AKIP1: variants seen among roughly 807,000 people sequenced by gnomAD.
AKIP1 encodes A-kinase interacting protein 1.
In AKIP1, 18 loss-of-function variants were observed where a neutral mutation model predicts 22.3. The observed-to-expected ratio is 0.81, with a 90% CI of 0.56 to 1.19. The LOEUF (loss-of-function observed/expected upper bound fraction) is 1.19. Among genes scored for constraint, AKIP1 ranks in the 50% most tolerant of loss-of-function variants. AKIP1 has a pLI of 0.00. For missense variants in AKIP1, 287 were observed against 264.6 expected, an observed-to-expected ratio of 1.08 and a Z score of -0.59; for synonymous variants, 120 against 102.7, an observed-to-expected ratio of 1.17 and a Z score of -1.02.
At chr11:8,912,868 T>TA (rs776020608) in intron 3 of AKIP1, among the ~76,000 whole-genome samples, 1 of 115,344 alleles carries the variant, frequency 8.7e-6, no homozygotes, top group Non-Finnish European at 1.8e-5. Flanking sequence ...GGGTTTTTTT[T>TA]AACTTTTTTT....
chr11:8,914,724 T>C, intron 3 of AKIP1, 102 bp from the exon 4 acceptor site: 1 of 815,702 alleles, frequency 1.2e-6, no homozygotes, highest in Non-Finnish European at 2.0e-6. Flanking sequence ...ACCTTTGCTC[T>C]CTTGCCTCCC....
At chr11:8,915,013 T>G in intron 4 of AKIP1, 83 bp downstream of exon 4, 1 of 1,052,990 alleles carries the variant, frequency 9.5e-7, no homozygotes, top group Non-Finnish European at 1.4e-6. Flanking sequence ...TGCTAGACTT[T>G]GTGTCACTGG....
chr11:8,911,686 G>GC lies in AKIP1; in HGVS notation c.222+17dup. On this transcript the variant is annotated intron_variant, in intron 2 of 5. Coordinates refer to ENST00000309377, the MANE Select transcript of AKIP1 (RefSeq NM_020642.4). ...TCCCGGGAGAGGTGAGGGTCGCTGT[G>GC]CCGGGGGCCGCCCCAGTCCTTCGCG... The GC allele has an allele frequency of 6.7e-7, 1 of 1,496,754 alleles. No individual in the cohort carries two copies. The highest frequency in any genetic ancestry group is 8.9e-7 in the Non-Finnish European group (1 of 1,124,416). The allele number at this position is 1,496,754 out of a possible 1,614,324, so 92.7% of individuals were successfully genotyped here.
In AKIP1 at chr11:8,918,258, A is replaced by G. The variant is rs550783081; in HGVS notation, c.489+891A>G. On this transcript the variant is annotated intron_variant, in intron 5 of 5. Transcript: ENST00000309377. ...CTTTTATTTACATGGTTGACAACCA[A>G]TAAATAGTTAATGACATTGTCATAC... The G allele has an allele frequency of 7.2e-4, 110 of 152,356 alleles. 1 individual carries two copies. Among genetic ancestry groups the G allele is most frequent in the African/African-American group, 2.5e-3 (104 of 41,578 alleles). 9.4% of individuals were successfully genotyped at this position (152,356 alleles called of 1,614,324 possible).
chr11:8,912,656 T>C (rs1589918301), intron 3 of AKIP1, 123 bp downstream of exon 3: 5 of 870,462 alleles, frequency 5.7e-6, no homozygotes, highest in Non-Finnish European at 7.5e-6. Context: ...CACGGTCAGA[T>C]TGTAATCAGT....
chr11:8,917,106 G>A (rs2064497278), intron 4 of AKIP1, among the ~76,000 whole-genome samples, 181 bp from the exon 5 acceptor site: 1 of 152,168 alleles, frequency 6.6e-6, no homozygotes, highest in Non-Finnish European at 1.5e-5. Context: ...GAAAATTATA[G>A]TAAATACCTG....
At position 8,919,555 on chromosome 11, in the gene AKIP1, G is replaced by C; in HGVS notation, c.*75G>C. On this transcript the variant is annotated 3_prime_UTR_variant, in exon 6 of 6. Coordinates refer to ENST00000309377, the MANE Select transcript of AKIP1 (RefSeq NM_020642.4). ...AAGCCACTGTATGATTCTCTTAATA[G>C]CTATACATTAATCCTGTTTTTAGTG... The C allele has an allele frequency of 6.7e-7, 1 of 1,501,450 alleles. No individual in the cohort carries two copies. The highest frequency in any genetic ancestry group is 9.1e-7 in the Non-Finnish European group (1 of 1,099,870). The allele number at this position is 1,501,450 out of a possible 1,614,324, so 93.0% of individuals were successfully genotyped here.
At position 8,912,871 on chromosome 11, in the gene AKIP1, CTTTTTTT is replaced by C. The variant is rs71059196; in HGVS notation, c.303+353_303+359del. 3.2e-5 allele frequency among the ~76,000 whole-genome samples: 3 copies of C among 92,950 alleles called. No homozygotes were observed. The Admixed American group carries it at 5.0e-4, about 15-fold the overall frequency. The allele number at this position is 92,950 out of a possible 152,430, so 61.0% of individuals were successfully genotyped here. A position where few individuals can be genotyped will look rare whatever the true frequency, so the allele number is the denominator to read the frequency against. ...GTTAAATATTAGGGGTTTTTTTTAA[CTTTTTTT>C]TTTTTTTTTTTTTTGAGACAGAGGC... On this transcript the variant is annotated intron_variant, in intron 3 of 5. Coordinates refer to ENST00000309377, the MANE Select transcript of AKIP1 (RefSeq NM_020642.4).
In AKIP1 at chr11:8,911,214, A is replaced by G; in HGVS notation, c.-16A>G. 9 of 542,346 alleles carry G rather than the reference A, an allele frequency of 1.7e-5. No individual in the cohort carries two copies. 33.6% of individuals were successfully genotyped at this position (542,346 alleles called of 1,614,324 possible). On this transcript the variant is annotated 5_prime_UTR_variant, in exon 1 of 6. Transcript: ENST00000309377. ...AGCGTTGCGCGCATGCGCCTTGACG[A>G]GTGAGCCGGGTGAGGGGGCTCCCTA...
chr11:8,916,694 G>A (rs909824505), intron 4 of AKIP1, among the ~76,000 whole-genome samples: 1 of 152,190 alleles, frequency 6.6e-6, no homozygotes, highest in African/African-American at 2.4e-5. Context: ...CCCCTGGCCT[G>A]GGAGGTGAGT....
intron 3 of AKIP1, among the ~76,000 whole-genome samples, 175 bp from the exon 4 acceptor site, chr11:8,914,651 C>T (rs1023092760): frequency 2.0e-5 from 3 of 152,176 alleles, no homozygotes; most frequent in African/African-American, 7.2e-5. Context: ...TCTCTGCAGC[C>T]ACTTTGGGTG....
At chr11:8,914,204 C>T (rs1482835388) in intron 3 of AKIP1, among the ~76,000 whole-genome samples, 1 of 152,162 alleles carries the variant, frequency 6.6e-6, no homozygotes, top group Admixed American at 6.5e-5. Context: ...TAGTCATTAT[C>T]AAGGGCAAGT....
At chr11:8,919,005 A>T (rs2064531155) in intron 5 of AKIP1, among the ~76,000 whole-genome samples, 1 of 152,184 alleles carries the variant, frequency 6.6e-6, no homozygotes, top group Admixed American at 6.5e-5. Context: ...GATCCCCAAA[A>T]CAGTGGCCTC....
chr11:8,914,331 G>A (rs2064444890), intron 3 of AKIP1, among the ~76,000 whole-genome samples: 2 of 152,182 alleles, frequency 1.3e-5, no homozygotes, highest in Admixed American at 1.3e-4. Flanking sequence ...CCCACGCGCA[G>A]GAAGCACAGA....
At chr11:8,911,408 G>A (rs754876313) in intron 1 of AKIP1, 36 bp from the exon 2 acceptor site, 22 of 1,524,962 alleles carry the variant, frequency 1.4e-5, no homozygotes, top group Non-Finnish European at 1.8e-5. Flanking sequence ...CGGCCCAGCT[G>A]ACCCGCCGGC....
At position 8,911,779 on chromosome 11, in the gene AKIP1, G is replaced by A; in HGVS notation, c.222+108G>A. On this transcript the variant is annotated intron_variant, in intron 2 of 5. Transcript: ENST00000309377. ...CAGCTGAGGAAACCTTCCCTTAGCG[G>A]AAGCTGGAAAGGATCAGAACAATGA... is the stretch of plus-strand genomic sequence containing the variant. The A allele has an allele frequency of 6.2e-6, 7 of 1,134,976 alleles. No homozygotes were observed. In the South Asian group the frequency reaches 1.2e-4, roughly 19 times the overall value. The allele number at this position is 1,134,976 out of a possible 1,614,324, so 70.3% of individuals were successfully genotyped here.
intron 3 of AKIP1, among the ~76,000 whole-genome samples, chr11:8,913,203 CAG>C (rs1310428055): frequency 1.5e-5 from 2 of 129,244 alleles, no homozygotes; most frequent in South Asian, 2.5e-4. Context: ...TTAATTGAGA[CAG>C]AGTCTCACTC....
At chr11:8,911,776 G>C (rs182204740) in intron 2 of AKIP1, 105 bp downstream of exon 2, 1 of 1,147,374 alleles carries the variant, frequency 8.7e-7, no homozygotes, top group Admixed American at 2.9e-5. Flanking sequence ...CCTTCCCTTA[G>C]CGGAAGCTGG....
In AKIP1 at chr11:8,919,373, T is replaced by C. The variant is rs779342560; in HGVS notation, c.526T>C (p.Tyr176His). 6.2e-7 allele frequency: 1 copy of C among 1,614,066 alleles called. No individual in the cohort carries two copies. The highest frequency in any genetic ancestry group is 1.7e-5 in the Admixed American group (1 of 60,020). The change falls in exon 6 of 6, where the codon TAT (tyrosine) becomes CAT (histidine). Residue 176 changes from tyrosine (Y) to histidine (H), a missense_variant. By Grantham distance (83) the Tyr-to-His change is moderately conservative (BLOSUM62 2). Coordinates refer to ENST00000309377, the MANE Select transcript of AKIP1 (RefSeq NM_020642.4). The stretch of plus-strand genomic sequence containing the variant: ...CTCTAAGGACCTCTACATAGAAGTA[T>C]ATCCAGGGACCTATTCTGTCACTGT... ...NISKDLYIEV[Y>H]PGTYSVTVGS... is the part of the protein sequence containing the mutation.
Sources: allele counts gnomAD v4.1 joint callset (sites outside exome capture counted in the v4.1 genomes callset), GRCh38; gene constraint gnomAD v4.1.1; transcripts MANE v1.5; gene names NCBI Gene and HGNC (gene_info 2026-07-23, HGNC 2026-07-21).